The following SSH2 variants were observed in gnomAD, a reference collection of about 807,000 sequenced individuals.
The protein encoded by SSH2 is slingshot protein phosphatase 2.
SSH2 carries 37 observed loss-of-function variants against 135.2 expected under a neutral mutation model. The ratio of observed to expected loss-of-function variants is 0.27; its 90% CI spans 0.21 to 0.36. The LOEUF (loss-of-function observed/expected upper bound fraction) is 0.36, where lower values mean the gene tolerates loss of function less well. Ranked by LOEUF, SSH2 falls within the 10% of genes least tolerant of loss-of-function variation. The probability of loss-of-function intolerance (pLI) is 1.00; values close to 1 mark genes in which losing one functional copy is unlikely to be tolerated. For missense variants in SSH2, 1,408 were observed against 1,765.3 expected (o/e 0.80, Z 3.63); for synonymous variants, 628 against 646.2 (o/e 0.97, Z 0.43).
chr17:29,806,692 C>A (rs956120946), intron 2 of SSH2, among the ~76,000 whole-genome samples: 2 of 152,320 alleles, frequency 1.3e-5, no homozygotes, highest in South Asian at 4.1e-4. Flanking sequence ...TTGCTCCCAT[C>A]TTTTCTGATT....
chr17:29,747,544 T>C (rs1388264132), intron 3 of SSH2, among the ~76,000 whole-genome samples: 2 of 152,198 alleles, frequency 1.3e-5, no homozygotes, highest in Admixed American at 1.3e-4. Flanking sequence ...CCTTTCCAAA[T>C]TACAGGAACA....
intron 1 of SSH2, among the ~76,000 whole-genome samples, chr17:29,917,020 A>T (rs972614740): frequency 5.8e-5 from 7 of 120,958 alleles, no homozygotes; most frequent in African/African-American, 1.8e-4. Flanking sequence ...CTGTAGCAGT[A>T]AAAAAAAAAA....
chr17:29,708,993 A>AATATATATATATATATAT (rs374708601), intron 3 of SSH2, among the ~76,000 whole-genome samples: 8 of 65,818 alleles, frequency 1.2e-4, no homozygotes, highest in African/African-American at 2.3e-4. Context: ...CTAGTTAAGA[A>AATATATATATATATATAT]ATATATATAT....
intron 3 of SSH2, among the ~76,000 whole-genome samples, chr17:29,729,293 C>T (rs1408234676): frequency 2.0e-5 from 3 of 152,152 alleles, no homozygotes; most frequent in Non-Finnish European, 4.4e-5. Flanking sequence ...AAAAGGTGCT[C>T]AACATCACTG....
At chr17:29,681,266 C>T (rs1598788251) in intron 6 of SSH2, among the ~76,000 whole-genome samples, 1 of 124,204 alleles carries the variant, frequency 8.1e-6, no homozygotes. Context: ...ACCCAGGAGA[C>T]GGAGGTTGCA....
chr17:29,716,465 A>G, intron 3 of SSH2: 1 of 694,022 alleles, frequency 1.4e-6, no homozygotes, highest in South Asian at 1.4e-5. Context: ...CTTGTGTACA[A>G]CAATGCCAGC....
chr17:29,652,422 C>A (rs28871275), intron 12 of SSH2, among the ~76,000 whole-genome samples: 8,340 of 152,072 alleles, frequency 0.055, 711 homozygotes, highest in African/African-American at 0.18. Flanking sequence ...CTGAAGGGTA[C>A]AGGCTTTCCG....
chr17:29,656,190 T>C (rs1047783353), intron 11 of SSH2, among the ~76,000 whole-genome samples: 1 of 152,056 alleles, frequency 6.6e-6, no homozygotes, highest in Admixed American at 6.6e-5. Context: ...CACTCTTTTT[T>C]TTCTGAGACA....
chr17:29,744,795 A>G (rs1359981125), intron 3 of SSH2, among the ~76,000 whole-genome samples: 1 of 151,952 alleles, frequency 6.6e-6, no homozygotes, highest in Non-Finnish European at 1.5e-5. Flanking sequence ...TGCTGATGTA[A>G]TAATAATATC....
At chr17:29,822,136 G>A (rs2042664329) in intron 2 of SSH2, among the ~76,000 whole-genome samples, 1 of 152,156 alleles carries the variant, frequency 6.6e-6, no homozygotes, top group South Asian at 2.1e-4. Context: ...TGAATTCAAA[G>A]ATGCTGCTAC....
At chr17:29,667,061 T>C in intron 10 of SSH2, 66 bp from the exon 11 acceptor site, 1 of 1,609,956 alleles carries the variant, frequency 6.2e-7, no homozygotes, top group Non-Finnish European at 8.5e-7. Flanking sequence ...CCATGCACTA[T>C]TTCCAGCCCC....
Position 29,636,467 on chromosome 17 carries a change from T to C in SSH2, c.1763A>G (p.Asn588Ser). Reference protein sequence around the residue: ...INGCSSGCCLNESKFPLDNCH... With the variant: ...INGCSSGCCLSESKFPLDNCH... Reference sequence around the variant, plus strand: ...ATTGTCAAGAGGAAATTTTGATTCATTCAGACAACACCCTGATGAGCATCC... The same window carrying C: ...ATTGTCAAGAGGAAATTTTGATTCACTCAGACAACACCCTGATGAGCATCC... The change falls in exon 15 of 16, where the codon AAT becomes AGT. Residue 588 changes from asparagine (N) to serine (S), a missense_variant. Asn to Ser is a conservative substitution (Grantham distance 46, BLOSUM62 1). Coordinates refer to ENST00000540801, the MANE Select transcript of SSH2 (RefSeq NM_001282129.2). 5.6e-6 allele frequency: 9 copies of C among 1,614,246 alleles called. No homozygotes were observed. Among genetic ancestry groups the C allele is most frequent in the Admixed American group, 1.7e-5 (1 of 60,024 alleles).
At chr17:29,850,178 G>A (rs2065529797) in intron 1 of SSH2, among the ~76,000 whole-genome samples, 1 of 152,030 alleles carries the variant, frequency 6.6e-6, no homozygotes, top group African/African-American at 2.4e-5. Flanking sequence ...ATAAGACAAA[G>A]GAGTGAAATA....
chr17:29,823,753 C>T (rs1186868137), intron 2 of SSH2, among the ~76,000 whole-genome samples: 1 of 151,940 alleles, frequency 6.6e-6, no homozygotes. Context: ...GTGACGCGTT[C>T]CTGTAATCCC....
At chr17:29,736,047 A>T (rs1428094858) in intron 3 of SSH2, among the ~76,000 whole-genome samples, 1 of 152,080 alleles carries the variant, frequency 6.6e-6, no homozygotes, top group Non-Finnish European at 1.5e-5. Flanking sequence ...CAGTGAGCCG[A>T]GATTGCGCCA....
intron 3 of SSH2, among the ~76,000 whole-genome samples, chr17:29,760,603 A>G (rs1229120543): frequency 6.6e-6 from 1 of 152,184 alleles, no homozygotes; most frequent in African/African-American, 2.4e-5. Context: ...AGCACGTACC[A>G]GTAGTACAGG....
intron 3 of SSH2, among the ~76,000 whole-genome samples, chr17:29,772,340 A>G (rs1181515942): frequency 6.7e-6 from 1 of 149,864 alleles, no homozygotes; most frequent in Admixed American, 6.7e-5. Context: ...CCACCTCCCG[A>G]GTTCACGCCA....
intron 2 of SSH2, among the ~76,000 whole-genome samples, chr17:29,801,823 A>C (rs1255246992): frequency 6.6e-6 from 1 of 152,202 alleles, no homozygotes; most frequent in Non-Finnish European, 1.5e-5. Flanking sequence ...ATGCCATGTG[A>C]ATGCTTGAAG....
At chr17:29,926,301 G>A (rs990460698) in intron 1 of SSH2, among the ~76,000 whole-genome samples, 2 of 151,776 alleles carry the variant, frequency 1.3e-5, no homozygotes, top group African/African-American at 4.8e-5. Flanking sequence ...CACTTTGGGA[G>A]GCCAAGGTGG....
Sources: gnomAD v4.1 joint callset for allele counts (sites outside exome capture counted in the v4.1 genomes callset) on GRCh38, gnomAD v4.1.1 for gene constraint, MANE v1.5 for transcripts, NCBI Gene and HGNC (gene_info 2026-07-23, HGNC 2026-07-21) for gene names.